PELI3: variants seen among roughly 807,000 people sequenced by gnomAD.
PELI3 encodes pellino E3 ubiquitin protein ligase family member 3.
In PELI3, 19 loss-of-function variants were observed where a neutral mutation model predicts 35.5. The ratio of observed to expected loss-of-function variants is 0.54; its 90% CI spans 0.37 to 0.79. The LOEUF is 0.79. PELI3 is among the 30% of genes least tolerant of loss of function. The probability of loss-of-function intolerance (pLI) is 0.00; values close to 1 mark genes in which losing one functional copy is unlikely to be tolerated. For synonymous variants in PELI3, 262 were observed against 279.2 expected, an observed-to-expected ratio of 0.94 and a Z score of 0.62; for missense variants, 490 against 661.2, an observed-to-expected ratio of 0.74 and a Z score of 2.84.
chr11:66,472,495 CT>C, intron 5 of PELI3, 25 bp downstream of exon 5: 1 of 1,587,996 alleles, frequency 6.3e-7, no homozygotes, highest in Non-Finnish European at 8.6e-7. Flanking sequence ...CTCCACACAC[CT>C]CCTGGCCACC....
In PELI3 at chr11:66,476,242, T is replaced by C. The variant is rs1002800879; in HGVS notation, c.*75T>C. ...ACCTCCTGCAGCCCAGAGGGAGCTCTGCATGTGGGACACTCCCTGCTGGCA... is the reference window on the plus strand; with the variant it reads ...ACCTCCTGCAGCCCAGAGGGAGCTCCGCATGTGGGACACTCCCTGCTGGCA... On this transcript the variant is annotated 3_prime_UTR_variant, in exon 8 of 8. Coordinates refer to ENST00000320740, the MANE Select transcript of PELI3 (RefSeq NM_145065.3). 3.6e-6 allele frequency: 5 copies of C among 1,405,866 alleles called. No individual in the cohort carries two copies. Among genetic ancestry groups the C allele is most frequent in the Non-Finnish European group, 4.8e-6 (5 of 1,050,818 alleles). 87.1% of individuals were successfully genotyped at this position (1,405,866 alleles called of 1,614,324 possible).
rs1358077678 is a variant in PELI3, at chr11:66,476,817, TAAC to T, written c.*653_*655del. ...CACAGTCTAGTGGAGGACAGACTGT[TAAC>T]AAATGGCAACACGGCTTCATGCGTG... is the stretch of plus-strand genomic sequence containing the variant. On this transcript the variant is annotated 3_prime_UTR_variant, in exon 8 of 8. Coordinates refer to ENST00000320740, the MANE Select transcript of PELI3 (RefSeq NM_145065.3). 1 of 152,320 alleles carries T rather than the reference TAAC, an allele frequency of 6.6e-6. No individual in the cohort carries two copies. The highest frequency in any genetic ancestry group is 1.5e-5 in the Non-Finnish European group (1 of 68,120). The allele number at this position is 152,320 out of a possible 1,614,324, so 9.4% of individuals were successfully genotyped here. A position where few individuals can be genotyped will look rare whatever the true frequency, so the allele number is the denominator to read the frequency against.
At chr11:66,468,594 C>T (rs1233993023) in intron 2 of PELI3, among the ~76,000 whole-genome samples, 1 of 152,230 alleles carries the variant, frequency 6.6e-6, no homozygotes, top group Non-Finnish European at 1.5e-5. Flanking sequence ...GGTTCTCCAG[C>T]AAAACTGCTT....
At chr11:66,468,066 C>T (rs979747958) in intron 1 of PELI3, 62 bp from the exon 2 acceptor site, 121 of 1,509,204 alleles carry the variant, frequency 8.0e-5, no homozygotes, top group Non-Finnish European at 9.9e-5. Flanking sequence ...CAGGCTGCAG[C>T]TGGAATTGAG....
At position 66,468,886 on chromosome 11, in the gene PELI3, GC is replaced by G. The variant is rs769700069; in HGVS notation, c.209del (p.Pro70GlnfsTer25). ...ETEAQRGEVT[G>X]PRAHSCYNGC... is the part of the protein sequence containing the mutation. ...GAGGCTCAGAGAGGGGAAGTGACTG[GC>G]CCAAGGGCACACAGCTGGTAAGTGG... On this transcript the variant is annotated frameshift_variant, in exon 3 of 8. Coordinates refer to ENST00000320740, the MANE Select transcript of PELI3 (RefSeq NM_145065.3). LOFTEE classifies it high-confidence loss of function. The G allele has an allele frequency of 6.1e-5, 47 of 776,086 alleles. 1 individual carries two copies. Among genetic ancestry groups the G allele is most frequent in the East Asian group, 5.1e-4 (21 of 41,168 alleles). The allele number at this position is 776,086 out of a possible 1,614,324, so 48.1% of individuals were successfully genotyped here.
At chr11:66,475,503 C>T (rs971689795) in intron 7 of PELI3, 95 bp from the exon 8 acceptor site, 46 of 1,396,876 alleles carry the variant, frequency 3.3e-5, no homozygotes, top group South Asian at 9.9e-5. Flanking sequence ...CTGCCCTGCC[C>T]GCCAGGGTGT....
intron 3 of PELI3, among the ~76,000 whole-genome samples, chr11:66,469,502 G>A (rs1854643122): frequency 6.6e-6 from 1 of 152,232 alleles, no homozygotes; most frequent in Non-Finnish European, 1.5e-5. Flanking sequence ...CCCCCCATGT[G>A]TGAGAAGAGC....
chr11:66,474,241 A>C, intron 7 of PELI3: 1 of 600,144 alleles, frequency 1.7e-6, no homozygotes, highest in East Asian at 2.8e-5. Context: ...AAAAAATCAC[A>C]CCTTCTTATG....
At position 66,476,313 on chromosome 11, in the gene PELI3, C is replaced by A; in HGVS notation, c.*146C>A. 2 of 909,960 alleles carry A rather than the reference C, an allele frequency of 2.2e-6. No homozygotes were observed. The highest frequency in any genetic ancestry group is 2.7e-5 in the East Asian group (1 of 37,508). 56.4% of individuals were successfully genotyped at this position (909,960 alleles called of 1,614,324 possible). A position where few individuals can be genotyped will look rare whatever the true frequency, so the allele number is the denominator to read the frequency against. ...GTTGGATGGGCTGTGCCCTTCCCCC[C>A]AACTGTGGCCCCCCAAGGAGGTCCC... On this transcript the variant is annotated 3_prime_UTR_variant, in exon 8 of 8. Transcript: ENST00000320740.
chr11:66,471,320 C>G lies in PELI3; in HGVS notation c.303C>G (p.Asn101Lys). The G allele has an allele frequency of 1.2e-6, 2 of 1,614,030 alleles. No homozygotes were observed. Among genetic ancestry groups the G allele is most frequent in the Non-Finnish European group, 1.7e-6 (2 of 1,179,988 alleles). The change falls in exon 4 of 8, where the codon AAC becomes AAG. Residue 101 changes from asparagine (N) to lysine (K), a missense_variant. By Grantham distance (94) the Asn-to-Lys change is moderately conservative (BLOSUM62 0). Transcript: ENST00000320740. The part of the protein sequence containing the change: ...RLALSRRSHA[N>K]GVKPDVMHHI... ...CACTGAGCCGCCGGTCGCACGCCAA[C>G]GGGGTGAAGCCAGACGTCATGCACC...
rs201490016 is a variant in PELI3 at position 66,472,425 on chromosome 11, G to C, written c.411G>C (p.Ser137=). ...CGTATACACTGTCCCGGAGCCACTC[G>C]GTCATAGTGGAGTATACACATGATA... The part of the protein sequence containing the change: ...SISYTLSRSH[S]VIVEYTHDSD... Residue 137 remains serine (S), a synonymous_variant, in exon 5 of 8, where the codon TCG becomes TCC. Coordinates refer to ENST00000320740, the MANE Select transcript of PELI3 (RefSeq NM_145065.3). 12 of 1,614,076 alleles carry C rather than the reference G, an allele frequency of 7.4e-6. 1 individual carries two copies. In the South Asian group the frequency reaches 1.3e-4, roughly 18 times the overall value.
intron 3 of PELI3, among the ~76,000 whole-genome samples, 167 bp from the exon 4 acceptor site, chr11:66,471,075 A>G (rs1042652831): frequency 2.0e-5 from 3 of 152,080 alleles, no homozygotes; most frequent in Non-Finnish European, 2.9e-5. Context: ...CAAGGTACCA[A>G]TTTGTTATTG....
Position 66,473,852 on chromosome 11 carries a change from G to A in PELI3, c.767G>A (p.Trp256Ter). ...GFSEDSAPGV[W>*]REISVCGNVY... ...TCCGAGGACTCAGCCCCGGGTGTCT[G>A]GCGGGAGATCTCGGTCTGTGGGAAT... The change falls in exon 7 of 8, where the codon TGG becomes TAG. Residue 256 changes from tryptophan to a stop codon, truncating the protein, a stop_gained. Transcript: ENST00000320740. LOFTEE classifies it high-confidence loss of function. The surrounding 1 kb of genome is among the most constrained non-coding windows in gnomAD (Gnocchi z 5.8). The A allele has an allele frequency of 6.2e-7, 1 of 1,613,872 alleles. No individual in the cohort carries two copies. Among genetic ancestry groups the A allele is most frequent in the Non-Finnish European group, 8.5e-7 (1 of 1,180,018 alleles).
In PELI3 at chr11:66,475,951, T is replaced by G; in HGVS notation, c.1194T>G (p.Leu398=). ...TGGGGCCTTATGTGCCTCTATGGCTTGGCCAGGAGGCCGGCCTCTGCCTGG... is the reference window on the plus strand; with the variant it reads ...TGGGGCCTTATGTGCCTCTATGGCTGGGCCAGGAGGCCGGCCTCTGCCTGG... ...RLVGPYVPLW[L]GQEAGLCLDP... Residue 398 remains leucine (L), a synonymous_variant, in exon 8 of 8, where the codon CTT becomes CTG. Coordinates refer to ENST00000320740, the MANE Select transcript of PELI3 (RefSeq NM_145065.3). 6.2e-7 allele frequency: 1 copy of G among 1,611,756 alleles called. No individual in the cohort carries two copies. The highest frequency in any genetic ancestry group is 8.5e-7 in the Non-Finnish European group (1 of 1,179,580).
At position 66,468,190 on chromosome 11, in the gene PELI3, G is replaced by A. The variant is rs770881783; in HGVS notation, c.62G>A (p.Gly21Glu). 8.1e-6 allele frequency: 13 copies of A among 1,607,554 alleles called. No homozygotes were observed. In the East Asian group the frequency reaches 2.5e-4, roughly 31 times the overall value. ...CGAACCTCAGACCTCCAGCACCGGG[G>A]GAACAAGGGCTCTTGCGTTCTCTCC... ...SPRTSDLQHR[G>E]NKGSCVLSSP... The change falls in exon 2 of 8, where the codon GGG becomes GAG. Residue 21 changes from glycine to glutamate, a missense_variant. Around this residue, in one of 3 missense-constraint regions of PELI3, gnomAD observed 137 missense variants for 157.1 expected, o/e 0.87. Transcript: ENST00000320740.
chr11:66,472,370 C>T lies in PELI3; in HGVS notation c.356C>T (p.Ala119Val). ...AAGTGACTTTTTTCTCCCCACCAGG[C>T]ACTGAGTAACCGTGGTCAGCACAGC... Reference protein sequence around the residue: ...HHISTPLVSKALSNRGQHSIS... With the variant: ...HHISTPLVSKVLSNRGQHSIS... Residue 119 changes from alanine (A) to valine (V), a missense_variant and splice_region_variant, in exon 5 of 8, where the codon GCA (alanine) becomes GTA (valine). Physicochemically the swap from Ala to Val is moderately conservative, Grantham distance 64 (BLOSUM62 0). This residue lies in a region of PELI3 where 137 missense variants were observed against 157.1 expected (regional missense o/e 0.87). Transcript: ENST00000320740. 1.2e-6 allele frequency: 2 copies of T among 1,613,730 alleles called. No homozygotes were observed. The highest frequency in any genetic ancestry group is 1.7e-6 in the Non-Finnish European group (2 of 1,179,636).
chr11:66,472,494 C>T (rs779443887), intron 5 of PELI3, 24 bp downstream of exon 5: 11 of 1,589,754 alleles, frequency 6.9e-6, no homozygotes, highest in Non-Finnish European at 9.5e-6. Context: ...TCTCCACACA[C>T]CTCCTGGCCA....
chr11:66,468,219 C>G lies in PELI3; in HGVS notation c.91C>G (p.Pro31Ala). 1 of 1,601,848 alleles carries G rather than the reference C, an allele frequency of 6.2e-7. No individual in the cohort carries two copies. The highest frequency in any genetic ancestry group is 8.5e-7 in the Non-Finnish European group (1 of 1,172,818). ...CAAGGGCTCTTGCGTTCTCTCCTCT[C>G]CCGGTGAAGATGCGCAGCCAGGCGA... ...GNKGSCVLSS[P>A]GEDAQPGEEP... The change falls in exon 2 of 8, where the codon CCC becomes GCC. Residue 31 changes from proline (P) to alanine (A), a missense_variant. Pro to Ala is a conservative substitution (Grantham distance 27). This residue lies in a region of PELI3 where 137 missense variants were observed against 157.1 expected (regional missense o/e 0.87). Coordinates refer to ENST00000320740, the MANE Select transcript of PELI3 (RefSeq NM_145065.3).
chr11:66,472,551 G>A (rs1205399161), intron 5 of PELI3, 81 bp downstream of exon 5: 1 of 1,188,772 alleles, frequency 8.4e-7, no homozygotes, highest in Non-Finnish European at 1.2e-6. Flanking sequence ...CTACGGGTTG[G>A]GAGGCCATGG....
Sources: allele counts gnomAD v4.1 joint callset (sites outside exome capture counted in the v4.1 genomes callset), GRCh38; gene constraint gnomAD v4.1.1; regional missense constraint gnomAD v4.1.1; non-coding constraint Gnocchi (gnomAD v3.1); transcripts MANE v1.5; gene names NCBI Gene and HGNC (gene_info 2026-07-23, HGNC 2026-07-21).